The following FOXN4 variants were observed in gnomAD, a reference collection of about 807,000 sequenced individuals.
FOXN4 encodes the protein forkhead box N4.
FOXN4 carries 12 observed loss-of-function variants against 45.0 expected under a neutral mutation model. That is an observed-to-expected ratio of 0.27 (90% CI 0.17 to 0.43). FOXN4 has a LOEUF of 0.43. Among genes scored for constraint, FOXN4 ranks in the 20% least tolerant of loss-of-function variants. The pLI is 1.00. For missense variants in FOXN4, 560 were observed against 694.9 expected, an observed-to-expected ratio of 0.81 and a Z score of 2.18; for synonymous variants, 297 against 295.0, an observed-to-expected ratio of 1.01 and a Z score of -0.07.
rs542243577 is a variant in FOXN4, at chr12:109,291,493, C to T, written c.87-1207G>A. Among the ~76,000 whole-genome samples, 54 of 152,194 alleles carry T rather than the reference C, an allele frequency of 3.5e-4. No individual in the cohort carries two copies. The highest frequency in any genetic ancestry group is 1.0e-3 in the African/African-American group (43 of 41,530). The stretch of plus-strand genomic sequence containing the variant: ...CGACCCATCCTGCCCTGGTTTTCTG[C>T]GCCTCTCGGAGGCTCCAGCAAAGCC... On this transcript the variant is annotated intron_variant, in intron 2 of 9. Coordinates refer to ENST00000299162, the MANE Select transcript of FOXN4 (RefSeq NM_213596.3). This position sits in a 1 kb window ranked among gnomAD's most constrained non-coding sequence, Gnocchi z 6.6.
chr12:109,302,951 T>C (rs555225015), intron 2 of FOXN4, among the ~76,000 whole-genome samples: 1 of 152,388 alleles, frequency 6.6e-6, no homozygotes, highest in South Asian at 2.1e-4. Context: ...ACACATCTTT[T>C]GTAACCATGT....
At chr12:109,285,246 T>G in intron 8 of FOXN4, 58 bp downstream of exon 8, 23 of 527,672 alleles carry the variant, frequency 4.4e-5, no homozygotes, top group Non-Finnish European at 5.9e-5. Flanking sequence ...TCCTCTTCCG[T>G]GTGTGTGTGT....
intron 8 of FOXN4, 81 bp downstream of exon 8, chr12:109,285,223 T>C: frequency 6.6e-7 from 1 of 1,511,668 alleles, no homozygotes; most frequent in Non-Finnish European, 8.9e-7. Context: ...CTGGTGGATG[T>C]CGGCCAGGTC....
In FOXN4 at chr12:109,290,427, G is replaced by A. The variant is rs2047756835; in HGVS notation, c.87-141C>T. ...AGCCCTCCAACCTGCCCGTCCCCAG[G>A]ACTGGACACGGGAACCTGGTCCCAG... On this transcript the variant is annotated intron_variant, in intron 2 of 9. Transcript: ENST00000299162. This position sits in a 1 kb window ranked among gnomAD's most constrained non-coding sequence, Gnocchi z 5.1. The A allele has an allele frequency of 5.0e-6, 5 of 1,010,094 alleles. No homozygotes were observed. The highest frequency in any genetic ancestry group is 7.0e-6 in the Non-Finnish European group (5 of 710,246). The allele number at this position is 1,010,094 out of a possible 1,614,324, so 62.6% of individuals were successfully genotyped here.
In FOXN4 at chr12:109,285,290, T is replaced by C; in HGVS notation, c.901+14A>G. The stretch of plus-strand genomic sequence containing the variant: ...GTGTGTGTGTGCGCGCACTGCGGGC[T>C]GTCCGGCCCTCACCAGGGTTGGCCA... On this transcript the variant is annotated intron_variant, in intron 8 of 9. Transcript: ENST00000299162. The C allele has an allele frequency of 6.3e-7, 1 of 1,583,646 alleles. No homozygotes were observed. Among genetic ancestry groups the C allele is most frequent in the Non-Finnish European group, 8.6e-7 (1 of 1,164,038 alleles).
At position 109,281,660 on chromosome 12, in the gene FOXN4, T is replaced by TG; in HGVS notation, c.1040dup (p.Pro348ThrfsTer70). On this transcript the variant is annotated frameshift_variant, in exon 9 of 10. Transcript: ENST00000299162. LOFTEE classifies it high-confidence loss of function. ...GGGACAGGGTCATCAGTGGCTGGGG[T>TG]GGGAGCTGGGAGACAGCCAGGCAGC... is the stretch of plus-strand genomic sequence containing the variant. 1 of 1,601,686 alleles carries TG rather than the reference T, an allele frequency of 6.2e-7. No homozygotes were observed. Among genetic ancestry groups the TG allele is most frequent in the Non-Finnish European group, 8.5e-7 (1 of 1,175,386 alleles).
At chr12:109,304,647 C>T (rs2047905653) in intron 2 of FOXN4, among the ~76,000 whole-genome samples, 1 of 147,140 alleles carries the variant, frequency 6.8e-6, no homozygotes, top group Non-Finnish European at 1.5e-5. Flanking sequence ...CTAGCTGCTG[C>T]CCCCGCCCTC....
At chr12:109,289,868 C>A (rs928512042) in intron 3 of FOXN4, among the ~76,000 whole-genome samples, 21 of 152,208 alleles carry the variant, frequency 1.4e-4, no homozygotes, top group Admixed American at 3.3e-4. Flanking sequence ...TGTAGTTTGC[C>A]AACTGCCCTA....
intron 2 of FOXN4, among the ~76,000 whole-genome samples, chr12:109,306,464 A>G (rs1391240760): frequency 6.6e-6 from 1 of 152,178 alleles, no homozygotes; most frequent in Non-Finnish European, 1.5e-5. Context: ...AATGTCTTTG[A>G]GCTCTTAAAG....
chr12:109,295,537 G>A (rs1277856801), intron 2 of FOXN4, among the ~76,000 whole-genome samples: 2 of 152,208 alleles, frequency 1.3e-5, no homozygotes, highest in Admixed American at 6.5e-5. Flanking sequence ...TGTAATCCCA[G>A]CACTTTGGGA....
At position 109,291,231 on chromosome 12, in the gene FOXN4, A is replaced by G. The variant is rs1223401654; in HGVS notation, c.87-945T>C. On this transcript the variant is annotated intron_variant, in intron 2 of 9. Coordinates refer to ENST00000299162, the MANE Select transcript of FOXN4 (RefSeq NM_213596.3). The surrounding 1 kb of genome is among the most constrained non-coding windows in gnomAD (Gnocchi z 6.6). ...ATTTGGGATAGCCATGTCACTCCCC[A>G]GTGCCCTCAAGTCACACTTGCCACG... 3.9e-5 allele frequency among the ~76,000 whole-genome samples: 6 copies of G among 151,988 alleles called. No homozygotes were observed. The highest frequency in any genetic ancestry group is 8.8e-5 in the Non-Finnish European group (6 of 67,992).
Position 109,287,338 on chromosome 12 carries a change from C to A in FOXN4, c.596+59G>T. On this transcript the variant is annotated intron_variant, in intron 6 of 9. Transcript: ENST00000299162. The surrounding 1 kb of genome is among the most constrained non-coding windows in gnomAD (Gnocchi z 4.1). Reference sequence around the variant, plus strand: ...GCTGTCTGAGATGCCCTGAGGGCAGCCTCATCCCTCTCTCCCGGAGCCGCC... The same window carrying A: ...GCTGTCTGAGATGCCCTGAGGGCAGACTCATCCCTCTCTCCCGGAGCCGCC... 1 of 1,545,556 alleles carries A rather than the reference C, an allele frequency of 6.5e-7. No individual in the cohort carries two copies. The highest frequency in any genetic ancestry group is 8.7e-7 in the Non-Finnish European group (1 of 1,143,170).
chr12:109,282,367 G>T (rs1203231301), intron 8 of FOXN4, among the ~76,000 whole-genome samples: 1 of 152,116 alleles, frequency 6.6e-6, no homozygotes, highest in Non-Finnish European at 1.5e-5. Flanking sequence ...GGGATCACTT[G>T]AGCCCAGGAG....
At position 109,279,393 on chromosome 12, in the gene FOXN4, T is replaced by G. The variant is rs1593762208; in HGVS notation, c.*278A>C. On this transcript the variant is annotated 3_prime_UTR_variant, in exon 10 of 10. Transcript: ENST00000299162. Reference sequence around the variant, plus strand: ...CATTGCGGCTCAGGCCTCGGAGGAGTGTCAAGGGGTCGGGGGATGCTGGGT... The same window carrying G: ...CATTGCGGCTCAGGCCTCGGAGGAGGGTCAAGGGGTCGGGGGATGCTGGGT... The G allele has an allele frequency of 5.9e-6, 3 of 505,930 alleles. No homozygotes were observed. The highest frequency in any genetic ancestry group is 2.4e-5 in the South Asian group (1 of 42,036). 31.3% of individuals were successfully genotyped at this position (505,930 alleles called of 1,614,324 possible). A position where few individuals can be genotyped will look rare whatever the true frequency, so the allele number is the denominator to read the frequency against.
intron 3 of FOXN4, 149 bp downstream of exon 3, chr12:109,289,992 A>G (rs559080006): frequency 1.1e-6 from 1 of 950,218 alleles, no homozygotes; most frequent in Admixed American, 3.5e-5. Flanking sequence ...TAAGGAAGGG[A>G]GCATTTGTCC....
intron 2 of FOXN4, among the ~76,000 whole-genome samples, chr12:109,293,645 G>A (rs886365908): frequency 1.1e-4 from 17 of 152,294 alleles, no homozygotes; most frequent in South Asian, 4.1e-4. Flanking sequence ...GTACAGGCAC[G>A]CGCCACCACG....
intron 6 of FOXN4, 161 bp from the exon 7 acceptor site, chr12:109,286,905 C>G: frequency 7.0e-7 from 1 of 1,426,932 alleles, no homozygotes; most frequent in Middle Eastern, 2.6e-4. Context: ...TTTTCATGGC[C>G]CGATGTCTTT....
rs903314742 is a variant in FOXN4 at position 109,291,780 on chromosome 12, G to A, written c.87-1494C>T. 1.3e-5 allele frequency among the ~76,000 whole-genome samples: 2 copies of A among 152,054 alleles called. No homozygotes were observed. The highest frequency in any genetic ancestry group is 2.1e-4 in the South Asian group (1 of 4,822). The stretch of plus-strand genomic sequence containing the variant: ...CAGGGCCTGGAAACGATTTGAAAAC[G>A]CGGCCGGCCGGCCGTGTCAGTGGCA... On this transcript the variant is annotated intron_variant, in intron 2 of 9. Transcript: ENST00000299162. This position sits in a 1 kb window ranked among gnomAD's most constrained non-coding sequence, Gnocchi z 6.6.
intron 8 of FOXN4, 28 bp downstream of exon 8, chr12:109,285,276 C>T (rs10849991): frequency 0.025 from 29,680 of 1,195,458 alleles, 1,635 homozygotes; most frequent in African/African-American, 0.22. Flanking sequence ...TGTGTGTGTG[C>T]GCGCACTGCG....
Sources: allele counts gnomAD v4.1 joint callset (sites outside exome capture counted in the v4.1 genomes callset), GRCh38; gene constraint gnomAD v4.1.1; non-coding constraint Gnocchi (gnomAD v3.1); transcripts MANE v1.5; gene names NCBI Gene and HGNC (gene_info 2026-07-23, HGNC 2026-07-21).